TAOK1: variants seen among roughly 807,000 people sequenced by gnomAD.
TAOK1 encodes the protein TAO kinase 1, also known as serine/threonine-protein kinase TAO1.
A neutral mutation model predicts 138.3 loss-of-function variants in TAOK1; 21 were observed. The observed-to-expected ratio is 0.15, with a 90% CI of 0.11 to 0.22. TAOK1 has a LOEUF of 0.22. TAOK1 is among the 10% of genes least tolerant of loss of function. TAOK1 has a pLI of 1.00. For synonymous variants in TAOK1, 361 were observed against 398.4 expected, an observed-to-expected ratio of 0.91 and a Z score of 1.12; for missense variants, 651 against 1,227.7, an observed-to-expected ratio of 0.53 and a Z score of 7.02.
intron 2 of TAOK1, among the ~76,000 whole-genome samples, chr17:29,453,604 C>T (rs939786424): frequency 1.4e-5 from 2 of 145,786 alleles, no homozygotes; most frequent in South Asian, 2.2e-4. Flanking sequence ...TGAGACAGAG[C>T]GTCGCTCTGT....
intron 2 of TAOK1, 93 bp downstream of exon 2, chr17:29,451,773 A>C: frequency 7.0e-7 from 1 of 1,430,310 alleles, no homozygotes; most frequent in Non-Finnish European, 9.3e-7. Flanking sequence ...GATATAGGCC[A>C]TAGTCATTTT....
intron 8 of TAOK1, among the ~76,000 whole-genome samples, chr17:29,485,656 A>C (rs1486339500): frequency 1.9e-5 from 2 of 107,790 alleles, no homozygotes; most frequent in Non-Finnish European, 4.4e-5. Flanking sequence ...AAATTAATTA[A>C]ATTAAAATAA....
At chr17:29,538,635 G>GTGAA (rs1406093181) in intron 19 of TAOK1, among the ~76,000 whole-genome samples, 1 of 152,176 alleles carries the variant, frequency 6.6e-6, no homozygotes, top group Non-Finnish European at 1.5e-5. Flanking sequence ...TGGAACTGGA[G>GTGAA]TGAATGTTAG....
At chr17:29,540,263 G>A (rs1291000020) in intron 19 of TAOK1, among the ~76,000 whole-genome samples, 1 of 152,184 alleles carries the variant, frequency 6.6e-6, no homozygotes, top group Non-Finnish European at 1.5e-5. Context: ...GATACCAAAT[G>A]TCTGTATGTC....
rs2032469956 is a variant in TAOK1 at position 29,550,362 on chromosome 17, C to T, written c.*7340C>T. ...AATGCTTTAGAGTTTTTTTAATTAA[C>T]ACTTGTGTTGCTAAATTCTATTTAT... On this transcript the variant is annotated 3_prime_UTR_variant, in exon 20 of 20. Transcript: ENST00000261716. 6.6e-6 allele frequency: 1 copy of T among 152,084 alleles called. No homozygotes were observed. Among genetic ancestry groups the T allele is most frequent in the Non-Finnish European group, 1.5e-5 (1 of 68,008 alleles). The allele number at this position is 152,084 out of a possible 1,614,324, so 9.4% of individuals were successfully genotyped here. A position where few individuals can be genotyped will look rare whatever the true frequency, so the allele number is the denominator to read the frequency against.
intron 1 of TAOK1, among the ~76,000 whole-genome samples, chr17:29,428,712 C>T (rs1028862120): frequency 2.0e-5 from 3 of 152,058 alleles, no homozygotes; most frequent in African/African-American, 7.2e-5. Context: ...CAGCCTCTAC[C>T]TCCTGAGCTT....
At chr17:29,419,760 C>T (rs951388917) in intron 1 of TAOK1, among the ~76,000 whole-genome samples, 1 of 152,100 alleles carries the variant, frequency 6.6e-6, no homozygotes, top group African/African-American at 2.4e-5. Context: ...TCCCAAAGTG[C>T]TGGAAGTATA....
intron 1 of TAOK1, among the ~76,000 whole-genome samples, chr17:29,418,703 C>T (rs1905332330): frequency 1.3e-5 from 2 of 152,202 alleles, no homozygotes; most frequent in Admixed American, 1.3e-4. Flanking sequence ...CACATCACTT[C>T]ATTCTTCTGG....
At chr17:29,506,765 A>G (rs1353640598) in intron 13 of TAOK1, among the ~76,000 whole-genome samples, 4 of 152,206 alleles carry the variant, frequency 2.6e-5, no homozygotes, top group Non-Finnish European at 5.9e-5. Flanking sequence ...TTTTAAAGCA[A>G]TTGAAAACAG....
At chr17:29,502,530 A>C in intron 12 of TAOK1, 59 bp from the exon 13 acceptor site, 2 of 1,531,694 alleles carry the variant, frequency 1.3e-6, no homozygotes, top group Non-Finnish European at 1.8e-6. Context: ...TTTAATTTCC[A>C]TAAAGATTCA....
At chr17:29,541,770 C>T (rs184648967) in intron 19 of TAOK1, among the ~76,000 whole-genome samples, 301 of 149,854 alleles carry the variant, frequency 2.0e-3, no homozygotes, top group Non-Finnish European at 3.7e-3. Flanking sequence ...TGCAAGACTC[C>T]GTCTCAAAAA....
intron 1 of TAOK1, among the ~76,000 whole-genome samples, chr17:29,435,281 T>C (rs990238665): frequency 1.3e-5 from 2 of 152,206 alleles, no homozygotes; most frequent in Admixed American, 1.3e-4. Flanking sequence ...ACCAATGAGT[T>C]CAGAATTTAA....
intron 16 of TAOK1, among the ~76,000 whole-genome samples, chr17:29,518,756 CTATTTATT>C (rs58735347): frequency 1.6e-5 from 2 of 125,992 alleles, no homozygotes; most frequent in African/African-American, 6.0e-5. Flanking sequence ...TTTACTTTAT[CTATTTATT>C]TATTTATTTA....
At chr17:29,469,777 T>A (rs1429143244) in intron 3 of TAOK1, among the ~76,000 whole-genome samples, 1 of 152,232 alleles carries the variant, frequency 6.6e-6, no homozygotes, top group Non-Finnish European at 1.5e-5. Flanking sequence ...TAATATCTAA[T>A]GTTGGCGTCC....
chr17:29,449,499 T>C (rs2030179282), intron 1 of TAOK1, among the ~76,000 whole-genome samples: 1 of 152,246 alleles, frequency 6.6e-6, no homozygotes, highest in African/African-American at 2.4e-5. Context: ...TTAAAATTGC[T>C]TGTTACTTGA....
At chr17:29,541,655 A>G (rs755247405) in intron 19 of TAOK1, among the ~76,000 whole-genome samples, 5 of 150,832 alleles carry the variant, frequency 3.3e-5, no homozygotes, top group Non-Finnish European at 7.4e-5. Context: ...ACATGCCTGT[A>G]ATCCCAGCTA....
chr17:29,436,205 A>C (rs958005720), intron 1 of TAOK1, among the ~76,000 whole-genome samples: 1 of 152,224 alleles, frequency 6.6e-6, no homozygotes. Context: ...ACAGTTTTCA[A>C]ATTTTAGAGG....
chr17:29,465,837 C>CTTTTTTT lies in TAOK1; in HGVS notation c.133-1287_133-1281dup, dbSNP rs3058623. On this transcript the variant is annotated intron_variant, in intron 2 of 19. Transcript: ENST00000261716. ...AAGAGTTAACTGTCAAGTTTCTGTGCTTTTTTTTTTTTTTTTTTTTTTTTT... is the reference window on the plus strand; with the variant it reads ...AAGAGTTAACTGTCAAGTTTCTGTGCTTTTTTTTTTTTTTTTTTTTTTTTTTTTTTTT... 3.8e-3 allele frequency among the ~76,000 whole-genome samples: 171 copies of CTTTTTTT among 45,386 alleles called. 47 individuals carry two copies. The highest frequency in any genetic ancestry group is 9.9e-3 in the African/African-American group (86 of 8,672). The allele number at this position is 45,386 out of a possible 152,430, so 29.8% of individuals were successfully genotyped here.
chr17:29,420,281 G>T (rs182618758), intron 1 of TAOK1, among the ~76,000 whole-genome samples: 2 of 151,568 alleles, frequency 1.3e-5, no homozygotes, highest in South Asian at 2.1e-4. Flanking sequence ...CAATTCACCC[G>T]CCTCGGCCTC....
Sources: gnomAD v4.1 joint callset for allele counts (sites outside exome capture counted in the v4.1 genomes callset) on GRCh38, gnomAD v4.1.1 for gene constraint, MANE v1.5 for transcripts, NCBI Gene and HGNC (gene_info 2026-07-23, HGNC 2026-07-21) for gene names.